The following ZNF490 variants were observed in gnomAD, a reference collection of about 807,000 sequenced individuals.
ZNF490 encodes the protein zinc finger protein 490.
In ZNF490, 11 loss-of-function variants were observed where a neutral mutation model predicts 17.7. The ratio of observed to expected loss-of-function variants is 0.62; its 90% CI spans 0.39 to 1.03. The LOEUF is 1.03. Among genes scored for constraint, ZNF490 ranks in the 50% least tolerant of loss-of-function variants. The probability of loss-of-function intolerance (pLI) is 0.00; values close to 1 mark genes in which losing one functional copy is unlikely to be tolerated. For missense variants in ZNF490, 542 were observed against 643.4 expected, an observed-to-expected ratio of 0.84 and a Z score of 1.71; for synonymous variants, 222 against 216.1, an observed-to-expected ratio of 1.03 and a Z score of -0.24.
chr19:12,581,915 T>TA (rs59119550), intron 4 of ZNF490, among the ~76,000 whole-genome samples, 191 bp from the exon 5 acceptor site: 17 of 151,776 alleles, frequency 1.1e-4, no homozygotes, highest in Admixed American at 7.9e-4. Flanking sequence ...TCAAAATAGT[T>TA]AAAAAAAAAT....
At chr19:12,592,572 A>G (rs1382980327) in intron 2 of ZNF490, among the ~76,000 whole-genome samples, 1 of 152,100 alleles carries the variant, frequency 6.6e-6, no homozygotes, top group Admixed American at 6.6e-5. Context: ...AGAGGGAGGG[A>G]CTAATGAATA....
chr19:12,583,552 G>C lies in ZNF490; in HGVS notation c.167C>G (p.Ser56Cys). ...HGQSIKTQTD[S>C]ISLEDVAVNF... ...CACAGCCACATCCTCAAGGGAGATG[G>C]AGTCCTAAAACATCCCCCATGTGTG... is the stretch of plus-strand genomic sequence containing the variant. Residue 56 changes from serine (S) to cysteine (C), a missense_variant, in exon 3 of 5, where the codon TCC (serine) becomes TGC (cysteine). Ser to Cys is a moderately radical substitution (Grantham distance 112). Transcript: ENST00000311437. The C allele has an allele frequency of 6.3e-7, 1 of 1,595,708 alleles. No homozygotes were observed. The highest frequency in any genetic ancestry group is 8.6e-7 in the Non-Finnish European group (1 of 1,168,308).
At position 12,583,572 on chromosome 19, in the gene ZNF490, T is replaced by C. The variant is rs754525603; in HGVS notation, c.163-16A>G. The C allele has an allele frequency of 9.5e-6, 15 of 1,572,910 alleles. No individual in the cohort carries two copies. The highest frequency in any genetic ancestry group is 1.7e-4 in the Middle Eastern group (1 of 5,816). ...AGATGGAGTCCTAAAACATCCCCCA[T>C]GTGTGTTTAGGAGGAGGAGAGAGAT... On this transcript the variant is annotated splice_polypyrimidine_tract_variant and intron_variant, in intron 2 of 4. Coordinates refer to ENST00000311437, the MANE Select transcript of ZNF490 (RefSeq NM_020714.3).
chr19:12,609,050 C>T (rs2023108110), intron 2 of ZNF490, 108 bp downstream of exon 2: 2 of 1,055,342 alleles, frequency 1.9e-6, no homozygotes, highest in Non-Finnish European at 2.9e-6. Flanking sequence ...GGAGTGCCTT[C>T]ACAAAGACCC....
intron 2 of ZNF490, among the ~76,000 whole-genome samples, chr19:12,599,502 G>T (rs534570239): frequency 6.6e-6 from 1 of 152,266 alleles, no homozygotes; most frequent in Non-Finnish European, 1.5e-5. Context: ...TACAGCTAGG[G>T]AAGGCCTGGG....
chr19:12,596,734 G>A (rs1239006399), intron 2 of ZNF490, among the ~76,000 whole-genome samples: 1 of 152,100 alleles, frequency 6.6e-6, no homozygotes, highest in Non-Finnish European at 1.5e-5. Flanking sequence ...ATGACAGCAG[G>A]GGCATCTGAG....
At chr19:12,600,500 G>T (rs2022989950) in intron 2 of ZNF490, among the ~76,000 whole-genome samples, 1 of 152,070 alleles carries the variant, frequency 6.6e-6, no homozygotes. Flanking sequence ...GCTTTCTTTG[G>T]ACTATATCTG....
intron 2 of ZNF490, among the ~76,000 whole-genome samples, chr19:12,598,885 G>T (rs1358938686): frequency 6.6e-6 from 1 of 151,548 alleles, no homozygotes; most frequent in East Asian, 2.0e-4. Context: ...TACTAGGGAG[G>T]CTGAGGCAGG....
At position 12,578,870 on chromosome 19, in the gene ZNF490, C is replaced by T. The variant is rs761366213; in HGVS notation, c.*1615G>A. On this transcript the variant is annotated 3_prime_UTR_variant, in exon 5 of 5. Transcript: ENST00000311437. ...CTTTAATTCTTCCTACGAAGAATCT[C>T]GACAATGGTTGCAGATGTCATTGAA... The T allele has an allele frequency of 1.3e-5, 13 of 985,260 alleles. No homozygotes were observed. The highest frequency in any genetic ancestry group is 4.7e-5 in the South Asian group (1 of 21,290). The allele number at this position is 985,260 out of a possible 1,614,324, so 61.0% of individuals were successfully genotyped here. A position where few individuals can be genotyped will look rare whatever the true frequency, so the allele number is the denominator to read the frequency against.
At chr19:12,593,078 G>A (rs2022891205) in intron 2 of ZNF490, among the ~76,000 whole-genome samples, 1 of 152,190 alleles carries the variant, frequency 6.6e-6, no homozygotes, top group Non-Finnish European at 1.5e-5. Context: ...TCTATTTTGA[G>A]AAGTGAAATA....
Position 12,583,640 on chromosome 19 carries a change from C to T in ZNF490, c.163-84G>A, listed in dbSNP as rs1178526176. The stretch of plus-strand genomic sequence containing the variant: ...CATTCTCAGAATTCCTGAGAAATTC[C>T]ATATAATCCTGTAGTCTCGGTTTAG... On this transcript the variant is annotated intron_variant, in intron 2 of 4. Transcript: ENST00000311437. 3.6e-6 allele frequency: 5 copies of T among 1,407,334 alleles called. No individual in the cohort carries two copies. In the African/African-American group the frequency reaches 5.8e-5, roughly 16 times the overall value. The allele number at this position is 1,407,334 out of a possible 1,614,324, so 87.2% of individuals were successfully genotyped here.
intron 2 of ZNF490, among the ~76,000 whole-genome samples, chr19:12,591,039 G>A (rs922572200): frequency 1.3e-5 from 2 of 151,798 alleles, no homozygotes; most frequent in African/African-American, 4.8e-5. Flanking sequence ...GATGACCTTG[G>A]GTTTGATGAT....
intron 2 of ZNF490, among the ~76,000 whole-genome samples, chr19:12,599,139 C>CAAAAAA (rs55911311): frequency 3.0e-3 from 205 of 68,450 alleles, no homozygotes; most frequent in Middle Eastern, 9.4e-3. Context: ...GACTCTGTCT[C>CAAAAAA]AAAAAAAAAA....
intron 3 of ZNF490, among the ~76,000 whole-genome samples, 189 bp downstream of exon 3, chr19:12,583,241 A>G (rs2022762823): frequency 6.6e-6 from 1 of 151,964 alleles, no homozygotes; most frequent in Non-Finnish European, 1.5e-5. Context: ...GGGTTTCACC[A>G]TGTTGGTCAG....
At chr19:12,583,662 T>A in intron 2 of ZNF490, 106 bp from the exon 3 acceptor site, 1 of 1,232,620 alleles carries the variant, frequency 8.1e-7, no homozygotes, top group Non-Finnish European at 1.1e-6. Flanking sequence ...TAGTCTCGGT[T>A]TAGTGGTATA....
chr19:12,598,230 AC>A (rs1304636405), intron 2 of ZNF490, among the ~76,000 whole-genome samples: 1 of 121,074 alleles, frequency 8.3e-6, no homozygotes, highest in Non-Finnish European at 2.0e-5. Context: ...CTCAAAAAAA[AC>A]AACAATTAAA....
rs896257075 is a variant in ZNF490 at position 12,583,616 on chromosome 19, A to C, written c.163-60T>G. 5 of 1,460,874 alleles carry C rather than the reference A, an allele frequency of 3.4e-6. No individual in the cohort carries two copies. In the Admixed American group the frequency reaches 6.3e-5, roughly 18 times the overall value. The allele number at this position is 1,460,874 out of a possible 1,614,324, so 90.5% of individuals were successfully genotyped here. ...GAGAGATTCGCAGTAGTGAGGATCC[A>C]TTCTCAGAATTCCTGAGAAATTCCA... On this transcript the variant is annotated intron_variant, in intron 2 of 4. Coordinates refer to ENST00000311437, the MANE Select transcript of ZNF490 (RefSeq NM_020714.3).
chr19:12,609,408 T>G (rs572607664), intron 1 of ZNF490, among the ~76,000 whole-genome samples: 1 of 152,176 alleles, frequency 6.6e-6, no homozygotes, highest in South Asian at 2.1e-4. Flanking sequence ...AAAAAAAAAT[T>G]TAGAGACAGT....
At chr19:12,609,969 A>G (rs2023125091) in intron 1 of ZNF490, 1 of 449,078 alleles carries the variant, frequency 2.2e-6, no homozygotes, top group Admixed American at 2.5e-5. Context: ...ATTTGTAACC[A>G]TAAATCTACA....
Sources: gnomAD v4.1 joint callset for allele counts (sites outside exome capture counted in the v4.1 genomes callset) on GRCh38, gnomAD v4.1.1 for gene constraint, MANE v1.5 for transcripts, NCBI Gene and HGNC (gene_info 2026-07-23, HGNC 2026-07-21) for gene names.